Variants in EIF2D observed in about 807,000 individuals in gnomAD.
The protein encoded by EIF2D is hepatocellular carcinoma-associated antigen 56.
In EIF2D, 56 loss-of-function variants were observed where a neutral mutation model predicts 77.4. The observed-to-expected ratio is 0.72, with a 90% confidence interval of 0.58 to 0.90. The LOEUF (loss-of-function observed/expected upper bound fraction) is 0.90, where lower values mean the gene tolerates loss of function less well. Among genes scored for constraint, EIF2D ranks in the 40% least tolerant of loss-of-function variants. The pLI is 0.00. For missense variants in EIF2D, 574 were observed against 706.5 expected (o/e 0.81, Z 2.13); for synonymous variants, 230 against 271.0 (o/e 0.85, Z 1.49).
chr1:206,598,859 C>A (rs2102285511), intron 11 of EIF2D, 144 bp downstream of exon 11: 7 of 742,528 alleles, frequency 9.4e-6, no homozygotes, highest in Non-Finnish European at 1.5e-5. Flanking sequence ...GTCCACAGCC[C>A]ATGGTTTGGA....
rs894357430 is a variant in EIF2D at position 206,584,929 on chromosome 1, G to A, written c.139-3767C>T. 66 of 607,060 alleles carry A rather than the reference G, an allele frequency of 1.1e-4. 1 individual carries two copies. The African/African-American group carries it at 1.1e-3, about 10-fold the overall frequency. 37.6% of individuals were successfully genotyped at this position (607,060 alleles called of 1,614,324 possible). ...TCCCATTTCCTGATCTGTGCAATGG[G>A]AGGAATCTGCCCCACCATTCCTAAT... On this transcript the variant is annotated intron_variant and NMD_transcript_variant, in intron 2 of 5. Coordinates refer to the EIF2D transcript ENST00000472709. The surrounding 1 kb of genome is among the most constrained non-coding windows in gnomAD (Gnocchi z 4.9).
chr1:206,578,233 A>AGTGTGTGTGTGTGTGT (rs58059864), intron 4 of EIF2D, among the ~76,000 whole-genome samples: 1 of 117,494 alleles, frequency 8.5e-6, no homozygotes, highest in South Asian at 2.7e-4. Flanking sequence ...AAAAAAAAAA[A>AGTGTGTGTGTGTGTGT]GTGTGTGTGT....
At chr1:206,608,049 A>G (rs1553413033) in intron 4 of EIF2D, among the ~76,000 whole-genome samples, 187 bp downstream of exon 4, 2 of 152,214 alleles carry the variant, frequency 1.3e-5, no homozygotes, top group Non-Finnish European at 2.9e-5. Flanking sequence ...AACAGCAAAT[A>G]CACTCTGCCC....
At chr1:206,600,126 C>T (rs1553411005) in intron 8 of EIF2D, 137 bp downstream of exon 8, 2 of 886,234 alleles carry the variant, frequency 2.3e-6, no homozygotes, top group African/African-American at 3.4e-5. Context: ...TCTTTCTTCC[C>T]CCTTATACTT....
chr1:206,599,087 C>T lies in EIF2D; in HGVS notation c.1208G>A (p.Gly403Glu). 6.2e-7 allele frequency: 1 copy of T among 1,614,068 alleles called. No homozygotes were observed. Among genetic ancestry groups the T allele is most frequent in the Non-Finnish European group, 8.5e-7 (1 of 1,179,978 alleles). Residue 403 changes from glycine (G) to glutamate (E), a missense_variant, in exon 11 of 15, where the codon GGG (glycine) becomes GAG (glutamate). Coordinates refer to ENST00000271764, the MANE Select transcript of EIF2D (RefSeq NM_006893.3). This position sits in a 1 kb window ranked among gnomAD's most constrained non-coding sequence, Gnocchi z 4.1. ...GACCTCACTGCCCTCCAGAAAGCTC[C>T]CCTTCCTAGGTGAGGAGAAGTGACC... ...LLFQESGHKK[G>E]SFLEGSEVRT...
In EIF2D at chr1:206,584,633, G is replaced by A; in HGVS notation, c.139-3471C>T. 2 of 1,614,216 alleles carry A rather than the reference G, an allele frequency of 1.2e-6. No homozygotes were observed. The highest frequency in any genetic ancestry group is 8.5e-7 in the Non-Finnish European group (1 of 1,180,046). ...GCTGCTCAAGAAGTTCATGGTTGTG[G>A]ACAATCCCCAGAAGTTTGCACTTTT... On this transcript the variant is annotated intron_variant and NMD_transcript_variant, in intron 2 of 5. Coordinates refer to the EIF2D transcript ENST00000472709. The surrounding 1 kb of genome is among the most constrained non-coding windows in gnomAD (Gnocchi z 4.9).
At chr1:206,593,486 A>AGAGAGAGC (rs59286399) in intron 14 of EIF2D, 133 bp downstream of exon 14, 23 of 479,220 alleles carry the variant, frequency 4.8e-5, no homozygotes, top group African/African-American at 4.4e-4. Context: ...AGAGAGAGAG[A>AGAGAGAGC]GCGAGAGAGA....
At chr1:206,570,046 T>C (rs1454746626), downstream of EIF2D, among the ~76,000 whole-genome samples, 4 of 151,800 alleles carry the variant, frequency 2.6e-5, no homozygotes, top group East Asian at 1.9e-4. Flanking sequence ...TTATTTTTTA[T>C]TGTGGTAAAA....
chr1:206,574,302 A>G (rs1225446706), intron 4 of EIF2D, among the ~76,000 whole-genome samples: 3 of 152,192 alleles, frequency 2.0e-5, no homozygotes, highest in Admixed American at 2.0e-4. Context: ...CTGGTGTGCC[A>G]CAGCGCATCC....
chr1:206,578,796 C>CTCTGG (rs1320005434), intron 4 of EIF2D, among the ~76,000 whole-genome samples: 38 of 152,268 alleles, frequency 2.5e-4, no homozygotes, highest in Admixed American at 2.1e-3. Flanking sequence ...AGCCACGTGA[C>CTCTGG]TCACTCAGAG....
At chr1:206,583,190 C>T (rs1432664335) in intron 2 of EIF2D, 2 of 917,292 alleles carry the variant, frequency 2.2e-6, no homozygotes, top group Non-Finnish European at 3.6e-6. Context: ...GTTAGAGAGG[C>T]TTTGGGGAGG....
intron 2 of EIF2D, chr1:206,586,184 C>T (rs1190118924): frequency 6.5e-6 from 1 of 152,706 alleles, no homozygotes; most frequent in Non-Finnish European, 1.5e-5. Context: ...CCTTAGTACT[C>T]TATTGTGCTC....
chr1:206,593,506 A>AGTGTGTGTGTGTGTGTGT (rs1286437460), intron 14 of EIF2D, 113 bp downstream of exon 14: 94 of 442,692 alleles, frequency 2.1e-4, no homozygotes, highest in South Asian at 2.6e-4. Context: ...AGAGAGAGAG[A>AGTGTGTGTGTGTGTGTGT]GAGTGTGTGT....
chr1:206,584,654 C>G lies in EIF2D; in HGVS notation c.139-3492G>C. 1 of 1,614,208 alleles carries G rather than the reference C, an allele frequency of 6.2e-7. No individual in the cohort carries two copies. Among genetic ancestry groups the G allele is most frequent in the Non-Finnish European group, 8.5e-7 (1 of 1,180,040 alleles). On this transcript the variant is annotated intron_variant and NMD_transcript_variant, in intron 2 of 5. Transcript: ENST00000472709. The surrounding 1 kb of genome is among the most constrained non-coding windows in gnomAD (Gnocchi z 4.9). ...TGTGGACAATCCCCAGAAGTTTGCA[C>G]TTTTTAAGCGGATACACAAGGACGG... is the stretch of plus-strand genomic sequence containing the variant.
chr1:206,589,299 G>C (rs1404080117), downstream of EIF2D: 1 of 152,730 alleles, frequency 6.5e-6, no homozygotes, highest in Admixed American at 6.6e-5. Flanking sequence ...CGTCTCCCTT[G>C]AACTTCACCA....
chr1:206,593,502 A>T (rs1469060767), intron 14 of EIF2D, 117 bp downstream of exon 14: 69 of 428,088 alleles, frequency 1.6e-4, no homozygotes, highest in African/African-American at 7.5e-4. Flanking sequence ...AGAGAGAGAG[A>T]GAGAGAGTGT....
chr1:206,605,992 C>T (rs1186115448), intron 4 of EIF2D, among the ~76,000 whole-genome samples: 2 of 152,306 alleles, frequency 1.3e-5, no homozygotes, highest in East Asian at 3.9e-4. Flanking sequence ...TAGAGAAGTT[C>T]CTTCTAAGTT....
intron 7 of EIF2D, 195 bp from the exon 8 acceptor site, chr1:206,600,503 A>T (rs1399443354): frequency 9.3e-6 from 5 of 536,234 alleles, no homozygotes; most frequent in African/African-American, 1.9e-5. Flanking sequence ...AGTGCTGTTC[A>T]AGAGAACTTT....
chr1:206,594,963 T>A (rs1456483907), intron 13 of EIF2D: 1 of 152,194 alleles, frequency 6.6e-6, no homozygotes, highest in Non-Finnish European at 1.5e-5. Flanking sequence ...GCCAAGTACA[T>A]TCTAAGTGCT....
Sources: allele counts gnomAD v4.1 joint callset (sites outside exome capture counted in the v4.1 genomes callset), GRCh38; gene constraint gnomAD v4.1.1; non-coding constraint Gnocchi (gnomAD v3.1); transcripts MANE v1.5; gene names NCBI Gene and HGNC (gene_info 2026-07-23, HGNC 2026-07-21).